ERCC6: variants seen among roughly 807,000 people sequenced by gnomAD.
ERCC6 encodes the protein ERCC excision repair 6, chromatin remodeling factor, also known as DNA excision repair protein ERCC-6.
Under a neutral mutation model 158.7 loss-of-function variants are expected in ERCC6, and 116 were observed. The ratio of observed to expected loss-of-function variants is 0.73; its 90% CI spans 0.63 to 0.85. The LOEUF is 0.85. Among genes scored for constraint, ERCC6 ranks in the 40% least tolerant of loss-of-function variants. The pLI, the probability that ERCC6 is intolerant of heterozygous loss-of-function variation, is 0.00. For missense variants in ERCC6, 1,698 were observed against 1,799.4 expected (o/e 0.94, Z 1.02); for synonymous variants, 678 against 659.3 (o/e 1.03, Z -0.43).
At chr10:49,448,632 G>A in the ERCC6 span, among the ~76,000 whole-genome samples, 14 of 152,016 alleles carry the variant, frequency 9.2e-5, no homozygotes, top group African/African-American at 3.4e-4. Flanking sequence ...GACCCTTTAA[G>A]CAACCTACTT....
chr10:49,461,508 C>T lies in ERCC6; in HGVS notation c.3827G>A (p.Ser1276Asn), dbSNP rs1231671919. The T allele has an allele frequency of 6.2e-7, 1 of 1,614,164 alleles. No individual in the cohort carries two copies. The highest frequency in any genetic ancestry group is 2.2e-5 in the East Asian group (1 of 44,886). ...TGCCTCCACCAGTACATAATCTGGG[C>T]TGGCTCCATCCATGATGGCATCGTG... ...MKHDAIMDGASPDYVLVEAEA... is the reference protein window; with the variant it reads ...MKHDAIMDGANPDYVLVEAEA... The change falls in exon 19 of 21, where the codon AGC becomes AAC. Residue 1276 changes from serine (S) to asparagine (N), a missense_variant. Ser to Asn is a conservative substitution (Grantham distance 46). Coordinates refer to ENST00000355832, the MANE Select transcript of ERCC6 (RefSeq NM_000124.4).
intron 18 of ERCC6, among the ~76,000 whole-genome samples, chr10:49,463,503 A>G (rs1275505661): frequency 6.6e-6 from 1 of 152,234 alleles, no homozygotes. Context: ...AAAAAAAGGA[A>G]CAGAAGATAA....
At chr10:49,443,307 GA>G in the ERCC6 span, among the ~76,000 whole-genome samples, 2 of 151,708 alleles carry the variant, frequency 1.3e-5, no homozygotes, top group African/African-American at 2.4e-5. Context: ...CAAGACAACA[GA>G]AAAAAAAGTA....
rs1259849663 is a variant in ERCC6, at chr10:49,474,051, T to A, written c.2574A>T (p.Val858=). ...LKIWHKQGQR[V]LLFSQSRQML... is the part of the protein sequence containing the mutation. The stretch of plus-strand genomic sequence containing the variant: ...CCTGCCTTGACTGAGAAAACAGCAA[T>A]ACTCGCTGACCCTGCTTGTGCCATA... Residue 858 remains valine (V), a synonymous_variant, in exon 13 of 21, where the codon GTA becomes GTT. Transcript: ENST00000355832. The A allele has an allele frequency of 6.2e-7, 1 of 1,614,100 alleles. No homozygotes were observed. Among genetic ancestry groups the A allele is most frequent in the Middle Eastern group, 1.6e-4 (1 of 6,062 alleles).
At chr10:49,513,770 C>A (rs754766751) in intron 5 of ERCC6, among the ~76,000 whole-genome samples, 1 of 152,116 alleles carries the variant, frequency 6.6e-6, no homozygotes, top group African/African-American at 2.4e-5. Context: ...CCTCCCTTGA[C>A]ATATGGGGAC....
At position 49,456,144 on chromosome 10, in the gene ERCC6, C is replaced by G. The variant is rs928649154; in HGVS notation, c.*2671G>C. On this transcript the variant is annotated 3_prime_UTR_variant, in exon 21 of 21. Transcript: ENST00000355832. ...AATTGCTATAATAGACTTCAAAAGA[C>G]AGTAGCTTAAGCAAGTCAGTATTTT... 6.6e-6 allele frequency: 1 copy of G among 152,142 alleles called. No homozygotes were observed. Among genetic ancestry groups the G allele is most frequent in the African/African-American group, 2.4e-5 (1 of 41,424 alleles). The allele number at this position is 152,142 out of a possible 1,614,324, so 9.4% of individuals were successfully genotyped here.
chr10:49,506,146 C>CA (rs1286274816), intron 5 of ERCC6, 134 bp from the exon 6 acceptor site: 5 of 898,356 alleles, frequency 5.6e-6, no homozygotes, highest in Non-Finnish European at 8.8e-6. Flanking sequence ...CATTATTACC[C>CA]AAAACACTGA....
intron 12 of ERCC6, among the ~76,000 whole-genome samples, chr10:49,475,109 C>T (rs1261259148): frequency 1.3e-5 from 2 of 152,214 alleles, no homozygotes; most frequent in Non-Finnish European, 2.9e-5. Flanking sequence ...TCAATCTGCA[C>T]TGTCCAATGC....
the ERCC6 span, among the ~76,000 whole-genome samples, chr10:49,443,444 T>C: frequency 6.6e-6 from 1 of 152,344 alleles, no homozygotes; most frequent in East Asian, 1.9e-4. Context: ...ATAATAGAGC[T>C]AAAAAATTCT....
rs149645921 is a variant in ERCC6, at chr10:49,512,643, A to C, written c.1398-6631T>G. The stretch of plus-strand genomic sequence containing the variant: ...ACAGCCCTTATCCAAAATGCTTGGG[A>C]CAAGAAGTGTTTTGGATTTTGGAAT... On this transcript the variant is annotated intron_variant, in intron 5 of 20. Coordinates refer to ENST00000355832, the MANE Select transcript of ERCC6 (RefSeq NM_000124.4). Among the ~76,000 whole-genome samples, 23 of 152,338 alleles carry C rather than the reference A, an allele frequency of 1.5e-4. No homozygotes were observed. In the East Asian group the frequency reaches 4.2e-3, roughly 28 times the overall value.
intron 18 of ERCC6, 100 bp downstream of exon 18, chr10:49,470,082 A>C: frequency 9.7e-7 from 1 of 1,029,672 alleles, no homozygotes; most frequent in South Asian, 1.3e-5. Flanking sequence ...AATGGCTGAC[A>C]GCCCTCTATG....
chr10:49,477,372 C>G (rs1850897082), intron 11 of ERCC6, among the ~76,000 whole-genome samples: 1 of 152,142 alleles, frequency 6.6e-6, no homozygotes, highest in Non-Finnish European at 1.5e-5. Flanking sequence ...TCATTCTCCC[C>G]AGTACAGTGC....
intron 7 of ERCC6, among the ~76,000 whole-genome samples, chr10:49,498,389 T>G (rs1851301184): frequency 1.3e-5 from 2 of 152,222 alleles, no homozygotes; most frequent in African/African-American, 4.8e-5. Context: ...GAGCTATTTT[T>G]CTGTAAGACA....
At chr10:49,447,794 C>G in the ERCC6 span, among the ~76,000 whole-genome samples, 1 of 151,726 alleles carries the variant, frequency 6.6e-6, no homozygotes, top group Admixed American at 6.6e-5. Flanking sequence ...CTATAGAATT[C>G]CCTGTTCTGT....
chr10:49,478,890 G>C (rs1448600895), intron 10 of ERCC6, among the ~76,000 whole-genome samples: 5 of 152,036 alleles, frequency 3.3e-5, no homozygotes, highest in Non-Finnish European at 5.9e-5. Flanking sequence ...AAGCTACAAA[G>C]GAACTCTGCA....
At chr10:49,445,041 A>C in the ERCC6 span, among the ~76,000 whole-genome samples, 63,634 of 151,888 alleles carry the variant, frequency 0.42, 14,300 homozygotes, top group Non-Finnish European at 0.5. Flanking sequence ...ACAACAACAA[A>C]AAAACACTAA....
chr10:49,453,618 C>A (rs943454642), downstream of ERCC6, among the ~76,000 whole-genome samples: 7 of 152,100 alleles, frequency 4.6e-5, no homozygotes, highest in Non-Finnish European at 7.4e-5. Flanking sequence ...TACTGGTGCT[C>A]TTCTCTTGCT....
intron 3 of ERCC6, among the ~76,000 whole-genome samples, chr10:49,530,438 G>T (rs545085735): frequency 6.6e-6 from 1 of 152,192 alleles, no homozygotes; most frequent in African/African-American, 2.4e-5. Context: ...TTCAATTTAC[G>T]ATGGGTTTGT....
intron 6 of ERCC6, chr10:49,503,693 T>C (rs1314366182): frequency 6.6e-6 from 1 of 152,178 alleles, no homozygotes; most frequent in African/African-American, 2.4e-5. Context: ...TAATAAACAG[T>C]GTAAACCAAT....
Sources: gnomAD v4.1 joint callset for allele counts (sites outside exome capture counted in the v4.1 genomes callset) on GRCh38, gnomAD v4.1.1 for gene constraint, MANE v1.5 for transcripts, NCBI Gene and HGNC (gene_info 2026-07-23, HGNC 2026-07-21) for gene names.